The following TBCE variants were observed in gnomAD, a reference collection of about 807,000 sequenced individuals.
TBCE encodes tubulin folding cofactor E, also known as tubulin-specific chaperone E.
TBCE carries 53 observed loss-of-function variants against 77.0 expected under a neutral mutation model. That is an observed-to-expected ratio of 0.69 (90% CI 0.55 to 0.87). The LOEUF is 0.87. Ranked by LOEUF, TBCE falls within the 40% of genes least tolerant of loss-of-function variation. The pLI, the probability that TBCE is intolerant of heterozygous loss-of-function variation, is 0.00. For synonymous variants in TBCE, 235 were observed against 241.3 expected, an observed-to-expected ratio of 0.97 and a Z score of 0.24; for missense variants, 624 against 622.4, an observed-to-expected ratio of 1.00 and a Z score of -0.03.
At chr1:235,385,028 G>A (rs1029350147) in intron 2 of TBCE, among the ~76,000 whole-genome samples, 51 of 151,950 alleles carry the variant, frequency 3.4e-4, no homozygotes, top group African/African-American at 1.1e-3. Flanking sequence ...CTTTGTTCTC[G>A]TTGGTTTCAA....
intron 7 of TBCE, chr1:235,433,118 G>A: frequency 6.7e-7 from 1 of 1,488,446 alleles, no homozygotes; most frequent in Non-Finnish European, 8.9e-7. Context: ...GTCACGGGCA[G>A]GTTTAACAGC....
At chr1:235,436,146 G>A (rs1381865578) in intron 9 of TBCE, 13 of 599,476 alleles carry the variant, frequency 2.2e-5, no homozygotes, top group South Asian at 4.0e-5. Flanking sequence ...CCTCTGAGAC[G>A]CATTTAGCAC....
Position 235,380,133 on chromosome 1 carries a change from T to C in TBCE, c.84T>C (p.Val28=), listed in dbSNP as rs1677535376. ...ATGCAACAGTACGTTTTGCTGGTGT[T>C]GTCCCTCCCGTGGCAGGTAAGCAAT... ...GEHATVRFAG[V]VPPVAGPWLG... is the part of the protein sequence containing the mutation. Residue 28 remains valine (V), a synonymous_variant, in exon 2 of 17, where the codon GTT becomes GTC. Transcript: ENST00000642610. 6.2e-7 allele frequency: 1 copy of C among 1,611,766 alleles called. No homozygotes were observed. The highest frequency in any genetic ancestry group is 1.3e-5 in the African/African-American group (1 of 74,594).
At chr1:235,422,744 G>C (rs550449653) in intron 5 of TBCE, among the ~76,000 whole-genome samples, 1 of 151,672 alleles carries the variant, frequency 6.6e-6, no homozygotes, top group East Asian at 1.9e-4. Flanking sequence ...CAGGAGAATC[G>C]CTTGAACCTG....
intron 2 of TBCE, among the ~76,000 whole-genome samples, chr1:235,384,809 A>C (rs1233222223): frequency 6.6e-6 from 1 of 151,572 alleles, no homozygotes; most frequent in Non-Finnish European, 1.5e-5. Context: ...TTGTGTCTCT[A>C]TTTCCTTCAG....
intron 2 of TBCE, among the ~76,000 whole-genome samples, chr1:235,385,265 G>A (rs1167880171): frequency 6.6e-6 from 1 of 152,056 alleles, no homozygotes; most frequent in Admixed American, 6.6e-5. Flanking sequence ...AATAGGTGTG[G>A]TGTGGTGCTG....
intron 1 of TBCE, among the ~76,000 whole-genome samples, chr1:235,372,069 A>G (rs1677003264): frequency 6.6e-6 from 1 of 151,716 alleles, no homozygotes; most frequent in Admixed American, 6.6e-5. Flanking sequence ...GCAGCCTCGA[A>G]CTCCTGGGCT....
At chr1:235,368,417 G>A (rs1292929512) in intron 1 of TBCE, among the ~76,000 whole-genome samples, 1 of 142,086 alleles carries the variant, frequency 7.0e-6, no homozygotes, top group Non-Finnish European at 1.5e-5. Flanking sequence ...ATTTAGCCAC[G>A]GCCGCTGTGT....
At chr1:235,430,932 T>C in intron 7 of TBCE, 128 bp downstream of exon 7, 2 of 802,740 alleles carry the variant, frequency 2.5e-6, no homozygotes, top group Non-Finnish European at 4.1e-6. Flanking sequence ...TATCTATTAA[T>C]AGATAACAAG....
chr1:235,440,422 C>G (rs990559051), intron 13 of TBCE, among the ~76,000 whole-genome samples: 1 of 151,750 alleles, frequency 6.6e-6, no homozygotes, highest in Non-Finnish European at 1.5e-5. Flanking sequence ...GATGGTGTTT[C>G]GCTCTTGTTG....
intron 2 of TBCE, among the ~76,000 whole-genome samples, chr1:235,396,667 G>A (rs1316018497): frequency 6.6e-6 from 1 of 152,136 alleles, no homozygotes; most frequent in East Asian, 1.9e-4. Context: ...TTGGATAAAA[G>A]TCCTTTTAAC....
intron 15 of TBCE, among the ~76,000 whole-genome samples, chr1:235,444,028 T>A (rs1349293316): frequency 1.3e-5 from 2 of 152,218 alleles, no homozygotes; most frequent in African/African-American, 2.4e-5. Flanking sequence ...TTTAAATAAA[T>A]GAAATACACA....
chr1:235,369,382 C>T (rs192762044), intron 1 of TBCE, among the ~76,000 whole-genome samples: 1 of 152,064 alleles, frequency 6.6e-6, no homozygotes. Flanking sequence ...TGGTGCGTGC[C>T]TGTAATCTCA....
At chr1:235,384,602 G>A (rs1450911548) in intron 2 of TBCE, among the ~76,000 whole-genome samples, 17 of 149,294 alleles carry the variant, frequency 1.1e-4, no homozygotes, top group South Asian at 2.1e-4. Flanking sequence ...GTTTATTTGC[G>A]TAGAGGTGTT....
intron 1 of TBCE, among the ~76,000 whole-genome samples, chr1:235,371,038 CTTTTTTTTTTTTTTTTTTTTT>C (rs71174417): frequency 0.022 from 517 of 23,344 alleles, 26 homozygotes; most frequent in African/African-American, 0.066. Flanking sequence ...TCACGCCTGG[CTTTTTTTTTTTTTTTTTTTTT>C]TTTTTTTTTT....
At chr1:235,373,976 A>T (rs1677139492) in intron 1 of TBCE, among the ~76,000 whole-genome samples, 1 of 143,362 alleles carries the variant, frequency 7.0e-6, no homozygotes. Flanking sequence ...AAATTTTAAA[A>T]TTTTATTTAT....
chr1:235,432,943 TAG>T, intron 7 of TBCE: 1 of 1,278,628 alleles, frequency 7.8e-7, no homozygotes, highest in South Asian at 2.8e-5. Context: ...AAAAAAAAAT[TAG>T]GCTCATGCGC....
chr1:235,424,406 C>A (rs1229373661), intron 5 of TBCE, among the ~76,000 whole-genome samples: 1 of 74,274 alleles, frequency 1.3e-5, no homozygotes, highest in East Asian at 3.3e-4. Context: ...CTCACCGCAA[C>A]CTTCTGGCAC....
chr1:235,372,922 TAAAAAAAAAAA>T (rs71174418), intron 1 of TBCE, among the ~76,000 whole-genome samples: 4 of 76,204 alleles, frequency 5.2e-5, no homozygotes, highest in East Asian at 3.7e-4. Context: ...AGACTCCGTC[TAAAAAAAAAAA>T]AAAAAAAAAA....
Sources: allele counts gnomAD v4.1 joint callset (sites outside exome capture counted in the v4.1 genomes callset), GRCh38; gene constraint gnomAD v4.1.1; transcripts MANE v1.5; gene names NCBI Gene and HGNC (gene_info 2026-07-23, HGNC 2026-07-21).